GRM1: variants seen among roughly 807,000 people sequenced by gnomAD.
The protein encoded by GRM1 is glutamate metabotropic receptor 1, also known as metabotropic glutamate receptor 1.
In GRM1, 33 loss-of-function variants were observed where a neutral mutation model predicts 90.9. The ratio of observed to expected loss-of-function variants is 0.36; its 90% confidence interval spans 0.28 to 0.49. GRM1 has a LOEUF of 0.49. GRM1 is among the 20% of genes least tolerant of loss of function. The pLI is 0.99. For synonymous variants in GRM1, 700 were observed against 613.2 expected, an observed-to-expected ratio of 1.14 and a Z score of -2.09; for missense variants, 1,190 against 1,534.3, an observed-to-expected ratio of 0.78 and a Z score of 3.75.
intron 1 of GRM1, among the ~76,000 whole-genome samples, chr6:146,063,830 C>T (rs572506402): frequency 2.0e-5 from 3 of 152,020 alleles, no homozygotes; most frequent in Non-Finnish European, 4.4e-5. Flanking sequence ...CATTGCAAAT[C>T]CTGTATTAAT....
intron 5 of GRM1, among the ~76,000 whole-genome samples, chr6:146,372,776 G>A (rs758850499): frequency 2.6e-5 from 4 of 152,050 alleles, no homozygotes; most frequent in South Asian, 2.1e-4. Flanking sequence ...CTGCAGGTGT[G>A]TGGATTTGTT....
intron 7 of GRM1, among the ~76,000 whole-genome samples, chr6:146,417,418 A>C (rs1297910909): frequency 2.0e-5 from 3 of 152,186 alleles, no homozygotes; most frequent in Non-Finnish European, 4.4e-5. Context: ...ACCACTTAAC[A>C]CTATTGGAGG....
chr6:146,391,451 C>A (rs973116118), intron 6 of GRM1, among the ~76,000 whole-genome samples: 1 of 152,086 alleles, frequency 6.6e-6, no homozygotes, highest in East Asian at 1.9e-4. Context: ...CAAAGTCCCC[C>A]TTTTGAGTTC....
chr6:146,098,268 A>G (rs555593437), intron 1 of GRM1, among the ~76,000 whole-genome samples: 1 of 152,166 alleles, frequency 6.6e-6, no homozygotes, highest in African/African-American at 2.4e-5. Context: ...TTTCAATAGG[A>G]TAACATTTAA....
In GRM1 at chr6:146,215,211, C is replaced by T. The variant is rs139536923; in HGVS notation, c.950+55614C>T. Among the ~76,000 whole-genome samples, 1,174 of 152,260 alleles carry T rather than the reference C, an allele frequency of 7.7e-3. 8 individuals carry two copies. The highest frequency in any genetic ancestry group is 0.011 in the Non-Finnish European group (778 of 68,012). On this transcript the variant is annotated intron_variant, in intron 2 of 7. Coordinates refer to ENST00000282753, the MANE Select transcript of GRM1 (RefSeq NM_001278064.2). Reference sequence around the variant, plus strand: ...CAACATAATACATTACTAAACATGTCCATTAATAATTTCAATTTAGTTTTA... The same window carrying T: ...CAACATAATACATTACTAAACATGTTCATTAATAATTTCAATTTAGTTTTA...
intron 2 of GRM1, among the ~76,000 whole-genome samples, chr6:146,175,000 G>A (rs1303675850): frequency 6.6e-6 from 1 of 152,154 alleles, no homozygotes; most frequent in Admixed American, 6.5e-5. Flanking sequence ...GAGAGAGAGA[G>A]ATCGAGAGAG....
intron 2 of GRM1, among the ~76,000 whole-genome samples, chr6:146,169,383 G>C (rs1297091829): frequency 1.3e-5 from 2 of 152,106 alleles, no homozygotes; most frequent in Non-Finnish European, 2.9e-5. Flanking sequence ...TGCCAGGCAG[G>C]CTTTCCACTG....
At chr6:146,059,751 ACTTG>A (rs1378482483) in intron 1 of GRM1, among the ~76,000 whole-genome samples, 1 of 152,160 alleles carries the variant, frequency 6.6e-6, no homozygotes, top group African/African-American at 2.4e-5. Flanking sequence ...GTACATCAGC[ACTTG>A]CTTCTTCATC....
intron 3 of GRM1, among the ~76,000 whole-genome samples, chr6:146,343,950 T>TGG (rs1375904395): frequency 2.6e-5 from 4 of 152,214 alleles, no homozygotes; most frequent in Non-Finnish European, 4.4e-5. Flanking sequence ...GTGTGCTTAC[T>TGG]GCTATTGGAG....
intron 2 of GRM1, among the ~76,000 whole-genome samples, chr6:146,234,830 C>T (rs904317176): frequency 6.6e-6 from 1 of 152,166 alleles, no homozygotes; most frequent in Non-Finnish European, 1.5e-5. Flanking sequence ...ACAACTTCTG[C>T]CTCCCAGGCT....
chr6:146,145,406 G>A (rs1215431818), intron 1 of GRM1, among the ~76,000 whole-genome samples: 1 of 152,124 alleles, frequency 6.6e-6, no homozygotes, highest in African/African-American at 2.4e-5. Flanking sequence ...CAGGGGACAG[G>A]CCCAGGACTA....
intron 1 of GRM1, among the ~76,000 whole-genome samples, chr6:146,035,047 A>G (rs961164409): frequency 6.6e-6 from 1 of 151,978 alleles, no homozygotes; most frequent in African/African-American, 2.4e-5. Flanking sequence ...TGGTGCAATT[A>G]TCTAGAGAAA....
chr6:146,390,671 A>G (rs987883132), intron 6 of GRM1, among the ~76,000 whole-genome samples: 3 of 151,890 alleles, frequency 2.0e-5, no homozygotes, highest in Non-Finnish European at 4.4e-5. Context: ...AACCTCTTAC[A>G]CTAGTATCTA....
intron 3 of GRM1, among the ~76,000 whole-genome samples, chr6:146,330,414 C>T (rs914710608): frequency 2.0e-5 from 3 of 152,266 alleles, no homozygotes; most frequent in African/African-American, 7.2e-5. Flanking sequence ...AATTTTCCCA[C>T]ACTCCCATCA....
chr6:146,341,463 T>C (rs1379728120), intron 3 of GRM1, among the ~76,000 whole-genome samples: 1 of 152,170 alleles, frequency 6.6e-6, no homozygotes, highest in African/African-American at 2.4e-5. Flanking sequence ...ATGGAATAAG[T>C]GTAGACAAAT....
chr6:146,201,299 G>T (rs923786683), intron 2 of GRM1, among the ~76,000 whole-genome samples: 3 of 152,142 alleles, frequency 2.0e-5, no homozygotes, highest in East Asian at 3.9e-4. Context: ...TAAAACAAAG[G>T]TCTATATAAT....
At chr6:146,368,457 A>C (rs1046610763) in intron 5 of GRM1, among the ~76,000 whole-genome samples, 7 of 152,106 alleles carry the variant, frequency 4.6e-5, no homozygotes. Context: ...TCCATATCTT[A>C]GAAGAAAAAG....
chr6:146,144,924 T>C (rs769155967), intron 1 of GRM1, among the ~76,000 whole-genome samples: 1 of 152,178 alleles, frequency 6.6e-6, no homozygotes, highest in African/African-American at 2.4e-5. Flanking sequence ...GAAAAAAGTA[T>C]AGGAAACTGG....
At chr6:146,386,196 C>G in intron 5 of GRM1, among the ~76,000 whole-genome samples, 1 of 151,948 alleles carries the variant, frequency 6.6e-6, no homozygotes, top group East Asian at 1.9e-4. Flanking sequence ...TATTTTTGTA[C>G]TATGGAGTGT....
Sources: gnomAD v4.1 joint callset for allele counts (sites outside exome capture counted in the v4.1 genomes callset) on GRCh38, gnomAD v4.1.1 for gene constraint, MANE v1.5 for transcripts, NCBI Gene and HGNC (gene_info 2026-07-23, HGNC 2026-07-21) for gene names.